The following ERC2 variants were observed in gnomAD, a reference collection of about 807,000 sequenced individuals.
ERC2 encodes ELKS/RAB6-interacting/CAST family member 2, also known as ERC protein 2.
A neutral mutation model predicts 114.8 loss-of-function variants in ERC2; 42 were observed. The ratio of observed to expected loss-of-function variants is 0.37; its 90% CI spans 0.29 to 0.47. ERC2 has a LOEUF of 0.47. Ranked by LOEUF, ERC2 falls within the 20% of genes least tolerant of loss-of-function variation. The pLI, the probability that ERC2 is intolerant of heterozygous loss-of-function variation, is 0.99. For synonymous variants in ERC2, 454 were observed against 425.5 expected (o/e 1.07, Z -0.82); for missense variants, 939 against 1,150.7 (o/e 0.82, Z 2.66).
intron 3 of ERC2, among the ~76,000 whole-genome samples, chr3:56,247,273 A>C (rs1478251699): frequency 2.0e-5 from 3 of 147,658 alleles, no homozygotes; most frequent in African/African-American, 8.1e-5. Flanking sequence ...GAATTATAGA[A>C]TATTTTTCTT....
chr3:55,877,934 G>A (rs2062940432), intron 14 of ERC2, among the ~76,000 whole-genome samples: 1 of 152,060 alleles, frequency 6.6e-6, no homozygotes, highest in South Asian at 2.1e-4. Flanking sequence ...ATCAGGTACT[G>A]GTCAGAATTC....
intron 6 of ERC2, among the ~76,000 whole-genome samples, chr3:56,087,967 C>T (rs2149777963): frequency 6.6e-6 from 1 of 152,276 alleles, no homozygotes; most frequent in East Asian, 1.9e-4. Flanking sequence ...ACGACTAGTT[C>T]TCACTCACAT....
Position 55,684,397 on chromosome 3 carries a change from A to G in ERC2, c.2848-538T>C, listed in dbSNP as rs190645222. Among the ~76,000 whole-genome samples, 3 of 152,308 alleles carry G rather than the reference A, an allele frequency of 2.0e-5. No individual in the cohort carries two copies. The East Asian group carries it at 5.8e-4, about 29-fold the overall frequency. On this transcript the variant is annotated intron_variant, in intron 16 of 17. Coordinates refer to ENST00000288221, the MANE Select transcript of ERC2 (RefSeq NM_015576.3). ...CAGCATGCGATAATTCATATTGGTTATTCCACAAAGGCTCAAACATGCTGC... is the reference window on the plus strand; with the variant it reads ...CAGCATGCGATAATTCATATTGGTTGTTCCACAAAGGCTCAAACATGCTGC...
intron 7 of ERC2, among the ~76,000 whole-genome samples, chr3:56,050,663 G>A (rs931095254): frequency 6.6e-6 from 1 of 152,096 alleles, no homozygotes; most frequent in South Asian, 2.1e-4. Flanking sequence ...CAAGGGAAGA[G>A]TCCTCCCATA....
chr3:55,594,815 C>A (rs1283282623), intron 17 of ERC2, among the ~76,000 whole-genome samples: 1 of 152,140 alleles, frequency 6.6e-6, no homozygotes, highest in Non-Finnish European at 1.5e-5. Context: ...TCTGCTTCTT[C>A]TTGAGTTCTT....
intron 3 of ERC2, among the ~76,000 whole-genome samples, chr3:56,252,169 C>G (rs911583235): frequency 6.6e-6 from 1 of 152,190 alleles, no homozygotes. Context: ...TAGGCTTGGA[C>G]ATCCTATAAC....
intron 2 of ERC2, among the ~76,000 whole-genome samples, chr3:56,397,844 C>T (rs1005857896): frequency 6.6e-6 from 1 of 152,188 alleles, no homozygotes; most frequent in African/African-American, 2.4e-5. Context: ...CATGCATGGC[C>T]TCATTCCCAA....
At chr3:55,695,966 T>TA (rs1284993788) in intron 16 of ERC2, among the ~76,000 whole-genome samples, 2 of 152,210 alleles carry the variant, frequency 1.3e-5, no homozygotes, top group African/African-American at 4.8e-5. Flanking sequence ...GATAGAGTTG[T>TA]AATATGGAGC....
chr3:56,078,906 G>T (rs1023970), intron 7 of ERC2, among the ~76,000 whole-genome samples: 6 of 150,144 alleles, frequency 4.0e-5, no homozygotes, highest in Admixed American at 2.0e-4. Flanking sequence ...AAACACATTT[G>T]TCAAATGGTT....
At chr3:56,019,726 C>T (rs976466855) in intron 7 of ERC2, among the ~76,000 whole-genome samples, 4 of 152,136 alleles carry the variant, frequency 2.6e-5, no homozygotes, top group African/African-American at 7.2e-5. Context: ...GCCAAATAGC[C>T]GATTACAATG....
At chr3:55,830,557 G>A (rs899551424) in intron 14 of ERC2, among the ~76,000 whole-genome samples, 1 of 152,104 alleles carries the variant, frequency 6.6e-6, no homozygotes, top group African/African-American at 2.4e-5. Context: ...AAGGTTGTGA[G>A]GTTTCTCAAT....
intron 7 of ERC2, among the ~76,000 whole-genome samples, chr3:56,037,009 A>AT (rs1408590658): frequency 2.6e-5 from 4 of 152,218 alleles, no homozygotes; most frequent in African/African-American, 9.6e-5. Context: ...AACGACGTCA[A>AT]TAAAAAAGCC....
chr3:56,124,904 T>G (rs1266653789), intron 6 of ERC2, among the ~76,000 whole-genome samples: 1 of 152,226 alleles, frequency 6.6e-6, no homozygotes, highest in Non-Finnish European at 1.5e-5. Context: ...ACTGTCTTAT[T>G]CTCTGAAATC....
chr3:56,148,451 A>G (rs1210503810), intron 5 of ERC2, among the ~76,000 whole-genome samples: 2 of 152,006 alleles, frequency 1.3e-5, no homozygotes, highest in African/African-American at 4.8e-5. Context: ...ATGCCTGGCT[A>G]ATTTTTGTGC....
chr3:55,830,713 G>A (rs548283873), intron 14 of ERC2, among the ~76,000 whole-genome samples: 7 of 152,288 alleles, frequency 4.6e-5, no homozygotes, highest in African/African-American at 1.7e-4. Context: ...GAAGTCTGAG[G>A]TGGGAGGATG....
At chr3:55,688,654 G>T (rs747028246) in intron 16 of ERC2, among the ~76,000 whole-genome samples, 4 of 152,092 alleles carry the variant, frequency 2.6e-5, no homozygotes, top group Non-Finnish European at 5.9e-5. Flanking sequence ...GGAAGAAAGG[G>T]GTCTTCATAT....
chr3:56,434,281 C>T, intron 2 of ERC2, 70 bp downstream of exon 2: 1 of 1,441,608 alleles, frequency 6.9e-7, no homozygotes, highest in Non-Finnish European at 9.5e-7. Flanking sequence ...GGTCGTGGTA[C>T]CATCTGCAAA....
chr3:56,166,316 T>C (rs1047588239), intron 4 of ERC2, among the ~76,000 whole-genome samples: 1 of 152,094 alleles, frequency 6.6e-6, no homozygotes, highest in Admixed American at 6.6e-5. Flanking sequence ...CTCAGGAGAT[T>C]GCTTGTAATT....
chr3:55,687,874 G>T (rs2062416564), intron 16 of ERC2, among the ~76,000 whole-genome samples: 1 of 152,216 alleles, frequency 6.6e-6, no homozygotes, highest in Non-Finnish European at 1.5e-5. Flanking sequence ...ATCTGTAAAG[G>T]AAAACAATAG....
Sources: gnomAD v4.1 joint callset for allele counts (sites outside exome capture counted in the v4.1 genomes callset) on GRCh38, gnomAD v4.1.1 for gene constraint, MANE v1.5 for transcripts, NCBI Gene and HGNC (gene_info 2026-07-23, HGNC 2026-07-21) for gene names.